Variants in CTNNA3 observed in about 807,000 individuals in gnomAD.
CTNNA3 encodes catenin alpha-3.
CTNNA3 carries 76 observed loss-of-function variants against 95.7 expected under a neutral mutation model. That is an observed-to-expected ratio of 0.79 (90% CI 0.66 to 0.96). CTNNA3 has a LOEUF of 0.96. CTNNA3 is among the 40% of genes least tolerant of loss of function. The pLI, the probability that CTNNA3 is intolerant of heterozygous loss-of-function variation, is 0.00. For missense variants in CTNNA3, 1,191 were observed against 1,089.8 expected (o/e 1.09, Z -1.31); for synonymous variants, 431 against 374.4 (o/e 1.15, Z -1.74).
intron 9 of CTNNA3, among the ~76,000 whole-genome samples, chr10:66,658,607 C>T (rs1438437899): frequency 2.0e-5 from 3 of 151,988 alleles, no homozygotes; most frequent in Non-Finnish European, 4.4e-5. Context: ...CATGCAAACA[C>T]AAAAGAAGTA....
chr10:66,752,699 C>A (rs1375378127), intron 9 of CTNNA3, among the ~76,000 whole-genome samples: 1 of 151,994 alleles, frequency 6.6e-6, no homozygotes, highest in Non-Finnish European at 1.5e-5. Flanking sequence ...AACTTGCATT[C>A]TAAATACATA....
intron 1 of CTNNA3, among the ~76,000 whole-genome samples, chr10:67,726,462 T>TC (rs1564841183): frequency 1.4e-3 from 65 of 47,414 alleles, no homozygotes; most frequent in African/African-American, 3.6e-3. Context: ...ATATATGATA[T>TC]ATGATATAAT....
chr10:67,140,902 T>C (rs542561470), intron 7 of CTNNA3, among the ~76,000 whole-genome samples: 60 of 152,330 alleles, frequency 3.9e-4, no homozygotes, highest in African/African-American at 1.4e-3. Flanking sequence ...ACATTGCATC[T>C]TTAGGCCTAT....
chr10:66,208,698 C>T (rs1358814243), intron 13 of CTNNA3, among the ~76,000 whole-genome samples: 1 of 152,086 alleles, frequency 6.6e-6, no homozygotes, highest in African/African-American at 2.4e-5. Flanking sequence ...TTATGGCCTT[C>T]TGTTACATTT....
intron 1 of CTNNA3, among the ~76,000 whole-genome samples, chr10:67,726,750 A>G (rs182665748): frequency 1.0e-3 from 1 of 964 alleles, no homozygotes; most frequent in Non-Finnish European, 2.9e-3. Flanking sequence ...TATATATGAT[A>G]TATCATAGAA....
intron 5 of CTNNA3, among the ~76,000 whole-genome samples, chr10:67,321,693 G>A (rs1841325084): frequency 6.6e-6 from 1 of 152,024 alleles, no homozygotes; most frequent in Non-Finnish European, 1.5e-5. Flanking sequence ...TCATCTCTAA[G>A]CTGAAACTCC....
At chr10:67,638,043 A>G (rs934440985) in intron 2 of CTNNA3, among the ~76,000 whole-genome samples, 4 of 152,116 alleles carry the variant, frequency 2.6e-5, no homozygotes, top group African/African-American at 9.7e-5. Context: ...TGGGCTAAAC[A>G]CTCCAATTAA....
At chr10:67,496,374 T>G (rs1839022456) in intron 5 of CTNNA3, among the ~76,000 whole-genome samples, 1 of 152,174 alleles carries the variant, frequency 6.6e-6, no homozygotes, top group African/African-American at 2.4e-5. Flanking sequence ...CTTTCTGCCT[T>G]TACTGAAGCC....
At chr10:67,378,089 T>C (rs1843764176) in intron 5 of CTNNA3, among the ~76,000 whole-genome samples, 1 of 151,550 alleles carries the variant, frequency 6.6e-6, no homozygotes, top group South Asian at 2.1e-4. Context: ...TATCACCTTC[T>C]TCCCCCTACC....
chr10:66,576,447 C>T (rs1056650911), intron 10 of CTNNA3, among the ~76,000 whole-genome samples: 2 of 152,110 alleles, frequency 1.3e-5, no homozygotes, highest in East Asian at 1.9e-4. Context: ...GAGCATAGTA[C>T]ATAACAGGTA....
intron 5 of CTNNA3, among the ~76,000 whole-genome samples, chr10:67,221,562 TA>T (rs944359090): frequency 1.3e-5 from 2 of 151,228 alleles, no homozygotes; most frequent in African/African-American, 4.9e-5. Context: ...ATTTCCTACA[TA>T]GGAAAAATTT....
intron 11 of CTNNA3, among the ~76,000 whole-genome samples, chr10:66,462,900 C>T (rs2093539172): frequency 6.6e-6 from 1 of 151,820 alleles, no homozygotes; most frequent in African/African-American, 2.4e-5. Flanking sequence ...TCCTATAAAC[C>T]TTTTTATTTT....
At chr10:65,932,982 T>A (rs1049620886) in intron 17 of CTNNA3, among the ~76,000 whole-genome samples, 1 of 152,092 alleles carries the variant, frequency 6.6e-6, no homozygotes, top group African/African-American at 2.4e-5. Flanking sequence ...TTCTGGGCAA[T>A]CCTCATATGA....
chr10:67,734,029 T>G (rs772133268), intron 1 of CTNNA3, among the ~76,000 whole-genome samples: 2 of 152,312 alleles, frequency 1.3e-5, no homozygotes, highest in Non-Finnish European at 2.9e-5. Context: ...CGCTGGATTT[T>G]TAAATTTATA....
intron 9 of CTNNA3, among the ~76,000 whole-genome samples, chr10:66,640,606 T>A (rs1395976408): frequency 6.6e-6 from 1 of 152,144 alleles, no homozygotes; most frequent in Non-Finnish European, 1.5e-5. Flanking sequence ...CGTATCAAAG[T>A]ATACTTACGG....
At chr10:66,703,541 C>T (rs556629627) in intron 9 of CTNNA3, among the ~76,000 whole-genome samples, 41 of 152,248 alleles carry the variant, frequency 2.7e-4, no homozygotes, top group Non-Finnish European at 4.9e-4. Context: ...TTGCAGTAAC[C>T]TTGAGCCTCT....
intron 1 of CTNNA3, among the ~76,000 whole-genome samples, chr10:67,757,959 A>G (rs1841442581): frequency 6.6e-6 from 1 of 152,204 alleles, no homozygotes; most frequent in Admixed American, 6.5e-5. Flanking sequence ...GGGTATCTCC[A>G]GAAGTGATAA....
chr10:66,958,932 T>C (rs1378554378), intron 7 of CTNNA3, among the ~76,000 whole-genome samples: 1 of 152,182 alleles, frequency 6.6e-6, no homozygotes, highest in Admixed American at 6.5e-5. Flanking sequence ...TCATTTAACT[T>C]GTCCAAGTAG....
At chr10:67,549,231 G>A (rs1373301991) in intron 3 of CTNNA3, among the ~76,000 whole-genome samples, 1 of 152,028 alleles carries the variant, frequency 6.6e-6, no homozygotes, top group Admixed American at 6.5e-5. Context: ...AAAAACTAGT[G>A]AGTAATTATT....
Sources: allele counts gnomAD v4.1 joint callset (sites outside exome capture counted in the v4.1 genomes callset), GRCh38; gene constraint gnomAD v4.1.1; transcripts MANE v1.5; gene names NCBI Gene and HGNC (gene_info 2026-07-23, HGNC 2026-07-21).